EPB41L4A: variants seen among roughly 807,000 people sequenced by gnomAD.
EPB41L4A encodes the protein band 4.1-like protein 4A.
In EPB41L4A, 100 loss-of-function variants were observed where a neutral mutation model predicts 108.6. The ratio of observed to expected loss-of-function variants is 0.92; its 90% CI spans 0.78 to 1.09. The LOEUF is 1.09. EPB41L4A is among the 50% of genes least tolerant of loss of function. The pLI, the probability that EPB41L4A is intolerant of heterozygous loss-of-function variation, is 0.00. For missense variants in EPB41L4A, 1,030 were observed against 842.7 expected, an observed-to-expected ratio of 1.22 and a Z score of -2.75; for synonymous variants, 319 against 289.0, an observed-to-expected ratio of 1.10 and a Z score of -1.05.
At chr5:112,266,159 T>C (rs779945351) in intron 5 of EPB41L4A, 74 bp downstream of exon 5, 39 of 1,069,236 alleles carry the variant, frequency 3.6e-5, no homozygotes, top group African/African-American at 1.3e-4. Flanking sequence ...AGTTTTAGTA[T>C]GTAAACTCCC....
At chr5:112,218,062 G>A (rs963198211) in intron 12 of EPB41L4A, among the ~76,000 whole-genome samples, 7 of 152,184 alleles carry the variant, frequency 4.6e-5, no homozygotes, top group Non-Finnish European at 8.8e-5. Context: ...TACAGAGTGT[G>A]TGGAGGAGCT....
chr5:112,259,781 A>C (rs892282967), intron 8 of EPB41L4A, 110 bp downstream of exon 8: 7 of 763,682 alleles, frequency 9.2e-6, no homozygotes, highest in African/African-American at 7.0e-5. Flanking sequence ...TCATTTATTT[A>C]TCACCCACTG....
chr5:112,346,355 C>T (rs1053409111), intron 1 of EPB41L4A, among the ~76,000 whole-genome samples: 3 of 150,722 alleles, frequency 2.0e-5, no homozygotes, highest in Non-Finnish European at 4.4e-5. Context: ...CCTCCTGTAG[C>T]TGCGATTACA....
intron 17 of EPB41L4A, among the ~76,000 whole-genome samples, chr5:112,194,202 G>A (rs1761847121): frequency 6.6e-6 from 1 of 152,092 alleles, no homozygotes; most frequent in Non-Finnish European, 1.5e-5. Context: ...TTTTGGTTGG[G>A]TAAAATATAG....
At chr5:112,217,457 G>A (rs1258424206) in intron 12 of EPB41L4A, among the ~76,000 whole-genome samples, 1 of 152,112 alleles carries the variant, frequency 6.6e-6, no homozygotes, top group Non-Finnish European at 1.5e-5. Context: ...CCAGCACTTT[G>A]GGAAGACAAT....
chr5:112,229,271 CA>C (rs1748694946), intron 12 of EPB41L4A, among the ~76,000 whole-genome samples: 1 of 152,112 alleles, frequency 6.6e-6, no homozygotes, highest in East Asian at 1.9e-4. Context: ...TATTGTGCTA[CA>C]AATGGCAGAG....
At chr5:112,189,696 C>G (rs955944314) in intron 17 of EPB41L4A, among the ~76,000 whole-genome samples, 1 of 152,154 alleles carries the variant, frequency 6.6e-6, no homozygotes, top group African/African-American at 2.4e-5. Context: ...ACGCACCAGA[C>G]TATCTCATGT....
In EPB41L4A at chr5:112,168,743, T is replaced by G; in HGVS notation, c.1928A>C (p.His643Pro). ...TCAAACCTTACTATTACTAACCTGA[T>G]GAACTGTAGCATCCCCAGAACCCTG... Reference protein sequence around the residue: ...DAQGSGDATVHQRRNGSKDSL... With the variant: ...DAQGSGDATVPQRRNGSKDSL... The change falls in exon 22 of 23, where the codon CAT becomes CCT. Residue 643 changes from histidine (H) to proline (P), a missense_variant. His to Pro is a moderately conservative substitution (Grantham distance 77, BLOSUM62 -2). Transcript: ENST00000261486. 6.2e-7 allele frequency: 1 copy of G among 1,612,436 alleles called. No individual in the cohort carries two copies. The highest frequency in any genetic ancestry group is 8.5e-7 in the Non-Finnish European group (1 of 1,178,464).
At chr5:112,374,229 T>C (rs1353569848) in intron 1 of EPB41L4A, among the ~76,000 whole-genome samples, 2 of 152,236 alleles carry the variant, frequency 1.3e-5, no homozygotes, top group African/African-American at 4.8e-5. Flanking sequence ...AGTTCATCTA[T>C]GCTGACAGTG....
At chr5:112,186,943 A>G (rs1384402261) in intron 17 of EPB41L4A, among the ~76,000 whole-genome samples, 1 of 152,204 alleles carries the variant, frequency 6.6e-6, no homozygotes, top group Non-Finnish European at 1.5e-5. Flanking sequence ...TTAAATGAAA[A>G]AGATATGTTT....
At chr5:112,237,793 C>G (rs1210446006) in intron 11 of EPB41L4A, among the ~76,000 whole-genome samples, 6 of 152,160 alleles carry the variant, frequency 3.9e-5, no homozygotes, top group African/African-American at 1.4e-4. Context: ...CTCTGGGCAT[C>G]GTCTTTCTTC....
At chr5:112,154,925 C>CTG in intron 12 of EPB41L4A, among the ~76,000 whole-genome samples, 1 of 152,084 alleles carries the variant, frequency 6.6e-6, no homozygotes, top group South Asian at 2.1e-4. Context: ...CTGTAAGGAA[C>CTG]AACTTCCTAA....
chr5:112,259,184 C>T (rs777411739), intron 9 of EPB41L4A, 45 bp downstream of exon 9: 1 of 1,420,538 alleles, frequency 7.0e-7, no homozygotes. Context: ...AATGAACACA[C>T]AAGACACCCC....
Position 112,240,809 on chromosome 5 carries a change from C to T in EPB41L4A, c.797G>A (p.Cys266Tyr), listed in dbSNP as rs759358785. Reference sequence around the variant, plus strand: ...TTCAAAAAAGAATGAGGTTTCGTTACACTAAGAGAGAAAGAGAGACAGAAT... The same window carrying T: ...TTCAAAAAAGAATGAGGTTTCGTTATACTAAGAGAGAAAGAGAGACAGAAT... ...QFELRVLGKDCNETSFFFEAR... is the reference protein window; with the variant it reads ...QFELRVLGKDYNETSFFFEAR... Residue 266 changes from cysteine to tyrosine, a missense_variant and splice_region_variant, in exon 10 of 23, where the codon TGT becomes TAT. Physicochemically the swap from Cys to Tyr is radical, Grantham distance 194 (BLOSUM62 -2). Transcript: ENST00000261486. 15 of 1,572,900 alleles carry T rather than the reference C, an allele frequency of 9.5e-6. No homozygotes were observed. Among genetic ancestry groups the T allele is most frequent in the African/African-American group, 1.4e-5 (1 of 72,822 alleles).
At chr5:112,240,568 T>G in intron 10 of EPB41L4A, 151 bp downstream of exon 10, 1 of 550,018 alleles carries the variant, frequency 1.8e-6, no homozygotes, top group Non-Finnish European at 3.2e-6. Flanking sequence ...GTGTGCATGT[T>G]TGTATTAATA....
chr5:112,227,869 AC>A (rs1249450070), intron 12 of EPB41L4A, among the ~76,000 whole-genome samples: 1 of 152,202 alleles, frequency 6.6e-6, no homozygotes, highest in African/African-American at 2.4e-5. Context: ...GACTGCACCT[AC>A]CTTGGGTCAA....
chr5:112,149,715 G>T (rs777124627), intron 12 of EPB41L4A, among the ~76,000 whole-genome samples: 9 of 152,126 alleles, frequency 5.9e-5, no homozygotes, highest in Non-Finnish European at 1.3e-4. Flanking sequence ...AAAAATACTG[G>T]ATAAAATATT....
intron 1 of EPB41L4A, among the ~76,000 whole-genome samples, chr5:112,363,081 C>T (rs1758881523): frequency 1.3e-5 from 2 of 152,200 alleles, no homozygotes; most frequent in South Asian, 2.1e-4. Context: ...ACTTTCAAGG[C>T]TTGAAAATGT....
chr5:112,354,197 A>C (rs1317716929), intron 1 of EPB41L4A, among the ~76,000 whole-genome samples: 1 of 152,208 alleles, frequency 6.6e-6, no homozygotes, highest in African/African-American at 2.4e-5. Flanking sequence ...TGCCTGGCAC[A>C]TAAGAACTCA....
Sources: gnomAD v4.1 joint callset for allele counts (sites outside exome capture counted in the v4.1 genomes callset) on GRCh38, gnomAD v4.1.1 for gene constraint, MANE v1.5 for transcripts, NCBI Gene and HGNC (gene_info 2026-07-23, HGNC 2026-07-21) for gene names.